Variants in MIA observed in about 807,000 individuals in gnomAD.
MIA encodes MIA SH3 domain containing, also known as melanoma-derived growth regulatory protein.
Under a neutral mutation model 18.5 loss-of-function variants are expected in MIA, and 18 were observed. The ratio of observed to expected loss-of-function variants is 0.97; its 90% CI spans 0.67 to 1.44. The LOEUF (loss-of-function observed/expected upper bound fraction) is 1.44, where lower values mean the gene tolerates loss of function less well. MIA is among the 40% of genes most tolerant of loss of function. MIA has a pLI of 0.00. For missense variants in MIA, 158 were observed against 172.4 expected (o/e 0.92, Z 0.47); for synonymous variants, 55 against 64.9 (o/e 0.85, Z 0.74).
chr19:40,776,564 AC>A (rs1194028134), intron 2 of MIA, among the ~76,000 whole-genome samples: 101 of 151,522 alleles, frequency 6.7e-4, no homozygotes, highest in Non-Finnish European at 8.8e-5. Flanking sequence ...ACATAGCAAG[AC>A]CCCCATCTCT....
intron 2 of MIA, among the ~76,000 whole-genome samples, chr19:40,776,114 C>T (rs2082994466): frequency 6.6e-6 from 1 of 152,160 alleles, no homozygotes; most frequent in East Asian, 1.9e-4. Flanking sequence ...GTAACCTCCA[C>T]CTCTTGGGTT....
rs535992946 is a variant in MIA at position 40,777,373 on chromosome 19, C to T, written c.373-24C>T. On this transcript the variant is annotated intron_variant, in intron 3 of 3. Coordinates refer to ENST00000263369, the MANE Select transcript of MIA (RefSeq NM_006533.4). The stretch of plus-strand genomic sequence containing the variant: ...GGTGTGACCGCTGGTTTTCTTTCCA[C>T]TGTTTCCCCTTTCTCTTTTTCAGAA... The T allele has an allele frequency of 8.1e-6, 13 of 1,613,556 alleles. No individual in the cohort carries two copies. The South Asian group carries it at 8.8e-5, about 11-fold the overall frequency.
rs1474201650 is a variant in MIA, at chr19:40,775,754, C to T, written c.130C>T (p.Pro44Ser). The change falls in exon 2 of 4, where the codon CCT (proline) becomes TCT (serine). Residue 44 changes from proline (P) to serine (S), a missense_variant and splice_region_variant. By Grantham distance (74) the Pro-to-Ser change is moderately conservative. Coordinates refer to ENST00000263369, the MANE Select transcript of MIA (RefSeq NM_006533.4). ...KLCADQECSHPISMAVALQDY... is the reference protein window; with the variant it reads ...KLCADQECSHSISMAVALQDY... ...ATTCCCTTCTATTCCTTCCCTAGAC[C>T]CTATCTCCATGGCTGTGGCCCTTCA... The T allele has an allele frequency of 6.2e-7, 1 of 1,614,082 alleles. No homozygotes were observed. The highest frequency in any genetic ancestry group is 2.2e-5 in the East Asian group (1 of 44,864).
intron 2 of MIA, chr19:40,776,691 G>A (rs996317735): frequency 1.1e-5 from 3 of 274,170 alleles, no homozygotes; most frequent in East Asian, 9.0e-5. Context: ...GCAGTGAGCC[G>A]TGATCATGCT....
rs1052510156 is a variant in MIA at position 40,777,287 on chromosome 19, T to C, written c.373-110T>C. ...GGCTCTAGGCTAATTTGCATAGCACTTGTGTGGCCAGACCTGGGCCCTGCA... is the reference window on the plus strand; with the variant it reads ...GGCTCTAGGCTAATTTGCATAGCACCTGTGTGGCCAGACCTGGGCCCTGCA... On this transcript the variant is annotated intron_variant, in intron 3 of 3. Coordinates refer to ENST00000263369, the MANE Select transcript of MIA (RefSeq NM_006533.4). The C allele has an allele frequency of 5.7e-5, 76 of 1,339,382 alleles. 1 individual carries two copies. The highest frequency in any genetic ancestry group is 7.8e-5 in the Non-Finnish European group (73 of 932,612). The allele number at this position is 1,339,382 out of a possible 1,614,324, so 83.0% of individuals were successfully genotyped here. A position where few individuals can be genotyped will look rare whatever the true frequency, so the allele number is the denominator to read the frequency against.
chr19:40,777,056 G>C lies in MIA; in HGVS notation c.349G>C (p.Gly117Arg). 1 of 1,612,972 alleles carries C rather than the reference G, an allele frequency of 6.2e-7. No individual in the cohort carries two copies. The highest frequency in any genetic ancestry group is 8.5e-7 in the Non-Finnish European group (1 of 1,179,780). ...IVREDQTLKP[G>R]KVDVKTDKWD... ...CCGAGAGGACCAGACCCTGAAACCT[G>C]GCAAAGTCGATGTGAAGACAGACGT... is the stretch of plus-strand genomic sequence containing the variant. Residue 117 changes from glycine to arginine, a missense_variant, in exon 3 of 4, where the codon GGC (glycine) becomes CGC (arginine). Transcript: ENST00000263369.
chr19:40,777,156 A>G, intron 3 of MIA, 77 bp downstream of exon 3: 1 of 1,321,874 alleles, frequency 7.6e-7, no homozygotes, highest in Non-Finnish European at 1.1e-6. Flanking sequence ...ATGCTCCCAC[A>G]CTTGGCTCCC....
upstream of MIA, chr19:40,775,467 T>C (rs1434149209): frequency 6.2e-7 from 1 of 1,603,646 alleles, no homozygotes; most frequent in Admixed American, 1.7e-5. Flanking sequence ...AGTTTCCTTG[T>C]ACTACGGGAG....
intron 1 of MIA, 24 bp from the exon 2 acceptor site, chr19:40,775,728 C>T: frequency 6.2e-7 from 1 of 1,614,086 alleles, no homozygotes; most frequent in Non-Finnish European, 8.5e-7. Context: ...GAGGGTGCTG[C>T]ATTCCCTTCT....
intron 2 of MIA, 143 bp downstream of exon 2, chr19:40,776,028 A>C: frequency 8.2e-7 from 1 of 1,216,888 alleles, no homozygotes; most frequent in Non-Finnish European, 1.1e-6. Flanking sequence ...TTTGCTTATT[A>C]TTTTTTAATT....
rs776380625 is a variant in MIA, at chr19:40,775,814, A to C, written c.190A>C (p.Ile64Leu). 3 of 1,613,790 alleles carry C rather than the reference A, an allele frequency of 1.9e-6. No homozygotes were observed. The highest frequency in any genetic ancestry group is 2.5e-6 in the Non-Finnish European group (3 of 1,179,988). The change falls in exon 2 of 4, where the codon ATT (isoleucine) becomes CTT (leucine). Residue 64 changes from isoleucine (I) to leucine (L), a missense_variant. Coordinates refer to ENST00000263369, the MANE Select transcript of MIA (RefSeq NM_006533.4). Reference protein sequence around the residue: ...YMAPDCRFLTIHRGQVVYVFS... With the variant: ...YMAPDCRFLTLHRGQVVYVFS... ...GGCCCCCGACTGCCGATTCCTGACCATTCACCGGGGCCAAGTGGTGTATGT... is the reference window on the plus strand; with the variant it reads ...GGCCCCCGACTGCCGATTCCTGACCCTTCACCGGGGCCAAGTGGTGTATGT...
chr19:40,776,151 C>CAAGT (rs2082994781), intron 2 of MIA, among the ~76,000 whole-genome samples: 1 of 152,108 alleles, frequency 6.6e-6, no homozygotes, highest in Admixed American at 6.6e-5. Context: ...CTCAGCCTCC[C>CAAGT]AAGTACCTGG....
At chr19:40,777,312 A>G in intron 3 of MIA, 85 bp from the exon 4 acceptor site, 1 of 1,501,786 alleles carries the variant, frequency 6.7e-7, no homozygotes, top group Non-Finnish European at 9.3e-7. Flanking sequence ...TGGGCCCTGC[A>G]GCTGCAGCCT....
chr19:40,776,926 T>G (rs1271343935), intron 2 of MIA, 43 bp from the exon 3 acceptor site: 2 of 1,428,238 alleles, frequency 1.4e-6, no homozygotes, highest in Admixed American at 3.6e-5. Flanking sequence ...AGGCACAAGC[T>G]TGCCATCTTC....
At chr19:40,776,168 A>G (rs1428098661) in intron 2 of MIA, among the ~76,000 whole-genome samples, 1 of 152,078 alleles carries the variant, frequency 6.6e-6, no homozygotes, top group Non-Finnish European at 1.5e-5. Context: ...CTGGGATTAC[A>G]GGCATGCACC....
In MIA at chr19:40,777,070, G is replaced by GA; in HGVS notation, c.365dup (p.Thr123AspfsTer?). The GA allele has an allele frequency of 6.2e-7, 1 of 1,612,036 alleles. No homozygotes were observed. The highest frequency in any genetic ancestry group is 1.1e-5 in the South Asian group (1 of 90,800). ...CCCTGAAACCTGGCAAAGTCGATGTGAAGACAGACGTGAGTGTCATGGGGG... is the reference window on the plus strand; with the variant it reads ...CCCTGAAACCTGGCAAAGTCGATGTGAAAGACAGACGTGAGTGTCATGGGGG... On this transcript the variant is annotated frameshift_variant, in exon 3 of 4. Coordinates refer to ENST00000263369, the MANE Select transcript of MIA (RefSeq NM_006533.4). LOFTEE classifies it high-confidence loss of function.
chr19:40,776,868 G>A (rs138176839), intron 2 of MIA, 101 bp from the exon 3 acceptor site: 4 of 737,102 alleles, frequency 5.4e-6, no homozygotes, highest in Non-Finnish European at 9.2e-6. Context: ...CAAGGATGGA[G>A]CAGTTATGTG....
intron 1 of MIA, 31 bp from the exon 2 acceptor site, chr19:40,775,721 G>A: frequency 6.2e-7 from 1 of 1,613,990 alleles, no homozygotes; most frequent in Non-Finnish European, 8.5e-7. Flanking sequence ...CTGTGTGGAG[G>A]GTGCTGCATT....
chr19:40,776,635 CG>C (rs2082998779), intron 2 of MIA, among the ~76,000 whole-genome samples: 1 of 151,898 alleles, frequency 6.6e-6, no homozygotes, highest in Non-Finnish European at 1.5e-5. Context: ...CCCGGCTACT[CG>C]GGAGGCTGAG....
Sources: gnomAD v4.1 joint callset for allele counts (sites outside exome capture counted in the v4.1 genomes callset) on GRCh38, gnomAD v4.1.1 for gene constraint, MANE v1.5 for transcripts, NCBI Gene and HGNC (gene_info 2026-07-23, HGNC 2026-07-21) for gene names.